The following RPAP1 variants were observed in gnomAD, a reference collection of about 807,000 sequenced individuals.
RPAP1 encodes the protein RNA polymerase II associated protein 1, also known as RNA polymerase II-associated protein 1.
Under a neutral mutation model 142.4 loss-of-function variants are expected in RPAP1, and 109 were observed. That is an observed-to-expected ratio of 0.77 (90% CI 0.66 to 0.90). The LOEUF (loss-of-function observed/expected upper bound fraction) is 0.90. Among genes scored for constraint, RPAP1 ranks in the 40% least tolerant of loss-of-function variants. The pLI, the probability that RPAP1 is intolerant of heterozygous loss-of-function variation, is 0.00. For missense variants in RPAP1, 1,546 were observed against 1,751.7 expected (o/e 0.88, Z 2.10); for synonymous variants, 704 against 738.9 (o/e 0.95, Z 0.77).
chr15:41,531,623 ATATATTTTTTTTTTTTTTTTTT>A (rs1469157324), intron 6 of RPAP1, among the ~76,000 whole-genome samples: 5 of 35,430 alleles, frequency 1.4e-4, no homozygotes, highest in African/African-American at 5.3e-4. Context: ...ATATATATAT[ATATATTTTTTTTTTTTTTTTTT>A]TTTTTTTTTT....
chr15:41,541,424 A>G lies in RPAP1; in HGVS notation c.-77+2795T>C, dbSNP rs922386039. On this transcript the variant is annotated intron_variant, in intron 1 of 24. Coordinates refer to ENST00000304330, the MANE Select transcript of RPAP1 (RefSeq NM_015540.4). Reference sequence around the variant, plus strand: ...GGTGACAGAGCTAGACTCCATCTTGAAAAAAAAAAAAAAAAAAGCAGGGAA... The same window carrying G: ...GGTGACAGAGCTAGACTCCATCTTGGAAAAAAAAAAAAAAAAAGCAGGGAA... Among the ~76,000 whole-genome samples the G allele has an allele frequency of 4.3e-3, 474 of 111,238 alleles. 1 individual carries two copies. The highest frequency in any genetic ancestry group is 0.02 in the African/African-American group (460 of 23,184). 73.0% of individuals were successfully genotyped at this position (111,238 alleles called of 152,430 possible).
chr15:41,524,946 G>C lies in RPAP1; in HGVS notation c.2075+45C>G, dbSNP rs1456769904. ...GGTGTTTGATTTGGCCAGAAGAGCA[G>C]AACTGAAGGTGTCTAGGGGGAGCCT... is the stretch of plus-strand genomic sequence containing the variant. On this transcript the variant is annotated intron_variant, in intron 15 of 24. Coordinates refer to ENST00000304330, the MANE Select transcript of RPAP1 (RefSeq NM_015540.4). The C allele has an allele frequency of 4.4e-6, 7 of 1,598,698 alleles. No individual in the cohort carries two copies. The African/African-American group carries it at 9.4e-5, about 21-fold the overall frequency.
intron 1 of RPAP1, 155 bp downstream of exon 1, chr15:41,544,064 A>T (rs1034738588): frequency 3.9e-5 from 6 of 152,298 alleles, no homozygotes; most frequent in African/African-American, 1.4e-4. Context: ...CGCCCGTTGA[A>T]GGGCCGTGCC....
chr15:41,521,624 C>T (rs970451900), intron 21 of RPAP1, 114 bp downstream of exon 21: 55 of 1,187,936 alleles, frequency 4.6e-5, no homozygotes, highest in Admixed American at 2.5e-4. Flanking sequence ...AGTTAAGTGT[C>T]GTCGGTGGAA....
At chr15:41,531,627 ATTTTTTTTTTTTTT>A (rs150550154) in intron 6 of RPAP1, among the ~76,000 whole-genome samples, 27 of 22,008 alleles carry the variant, frequency 1.2e-3, no homozygotes, top group African/African-American at 2.4e-3. Context: ...ATATATATAT[ATTTTTTTTTTTTTT>A]TTTTTTTTTT....
At position 41,522,859 on chromosome 15, in the gene RPAP1, C is replaced by A. The variant is rs1322400420; in HGVS notation, c.2648G>T (p.Ser883Ile). The change falls in exon 19 of 25, where the codon AGT becomes ATT. Residue 883 changes from serine (S) to isoleucine (I), a missense_variant. Physicochemically the swap from Ser to Ile is moderately radical, Grantham distance 142. Coordinates refer to ENST00000304330, the MANE Select transcript of RPAP1 (RefSeq NM_015540.4). ...GAAGGGTGAGGCTGAGCCAGCCAGA[C>A]TGAGACGGGGGCAGCCTCCCGAGCA... ...LGCSGGCPRLSLAGSASPFPF... is the reference protein window; with the variant it reads ...LGCSGGCPRLILAGSASPFPF... 6.3e-7 allele frequency: 1 copy of A among 1,581,272 alleles called. No individual in the cohort carries two copies. Among genetic ancestry groups the A allele is most frequent in the East Asian group, 2.3e-5 (1 of 43,176 alleles).
At chr15:41,536,465 G>C (rs1178334152) in intron 3 of RPAP1, 36 bp downstream of exon 3, 2 of 1,610,146 alleles carry the variant, frequency 1.2e-6, no homozygotes, top group African/African-American at 2.7e-5. Context: ...TGTTGCCCTA[G>C]AACATCTTAT....
intron 9 of RPAP1, among the ~76,000 whole-genome samples, chr15:41,529,196 G>A (rs1216633319): frequency 2.0e-5 from 3 of 152,134 alleles, no homozygotes; most frequent in South Asian, 2.1e-4. Flanking sequence ...TTAGCTGGAC[G>A]TGGTGGCATG....
rs1023903022 is a variant in RPAP1 at position 41,522,052 on chromosome 15, G to A, written c.2895+46C>T. On this transcript the variant is annotated intron_variant, in intron 20 of 24. Coordinates refer to ENST00000304330, the MANE Select transcript of RPAP1 (RefSeq NM_015540.4). ...AGGCTGGGTTCCACAGAAACAGGAA[G>A]GAGATAATGGGATGACAGGAGAACC... The A allele has an allele frequency of 4.4e-6, 7 of 1,600,386 alleles. No homozygotes were observed. The African/African-American group carries it at 5.4e-5, about 12-fold the overall frequency.
Position 41,524,113 on chromosome 15 carries a change from G to T in RPAP1, c.2217C>A (p.Thr739=), listed in dbSNP as rs202122322. Residue 739 remains threonine, a synonymous_variant, in exon 16 of 25, where the codon ACC becomes ACA. Transcript: ENST00000304330. Reference sequence around the variant, plus strand: ...TAAACTACCTGATGGTTTCAGCAGGGGTACTGCCGGCTGCCAGGGTTAGCT... The same window carrying T: ...TAAACTACCTGATGGTTTCAGCAGGTGTACTGCCGGCTGCCAGGGTTAGCT... ...LTQLTLAAGS[T]PAETISDSAE... The T allele has an allele frequency of 3.8e-6, 6 of 1,590,212 alleles. No homozygotes were observed. In the African/African-American group the frequency reaches 8.1e-5, roughly 21 times the overall value.
chr15:41,523,854 G>A lies in RPAP1; in HGVS notation c.2353C>T (p.Pro785Ser). The A allele has an allele frequency of 6.2e-7, 1 of 1,609,202 alleles. No individual in the cohort carries two copies. The highest frequency in any genetic ancestry group is 8.5e-7 in the Non-Finnish European group (1 of 1,177,766). ...LRQTLKLLSRPEMWRAVGPVP... is the reference protein window; with the variant it reads ...LRQTLKLLSRSEMWRAVGPVP... ...GGGCCCACGGCTCTCCACATCTCAG[G>A]TCTGGACAGCAACTTCAAGGTCTGC... The change falls in exon 17 of 25, where the codon CCT (proline) becomes TCT (serine). Residue 785 changes from proline to serine, a missense_variant. Transcript: ENST00000304330.
At chr15:41,530,665 C>G (rs1337396179) in intron 7 of RPAP1, among the ~76,000 whole-genome samples, 1 of 152,180 alleles carries the variant, frequency 6.6e-6, no homozygotes, top group Non-Finnish European at 1.5e-5. Context: ...TTTCCCCCAG[C>G]ACTGTGAGCA....
chr15:41,538,053 T>C (rs7179280), intron 1 of RPAP1, among the ~76,000 whole-genome samples: 59,283 of 151,958 alleles, frequency 0.39, 11,887 homozygotes, highest in East Asian at 0.5. Context: ...ACCATCCTGG[T>C]TAACACGGTG....
intron 1 of RPAP1, among the ~76,000 whole-genome samples, chr15:41,540,287 G>A (rs2051959334): frequency 6.8e-6 from 1 of 147,340 alleles, no homozygotes; most frequent in Non-Finnish European, 1.5e-5. Flanking sequence ...TAACAGCCTA[G>A]GAGGTAGGTT....
At chr15:41,518,383 A>G in intron 22 of RPAP1, 1 of 487,560 alleles carries the variant, frequency 2.1e-6, no homozygotes, top group Non-Finnish European at 3.5e-6. Flanking sequence ...AGAAGCAGCC[A>G]TTAAAAAGCA....
rs776722248 is a variant in RPAP1 at position 41,523,267 on chromosome 15, C to G, written c.2524G>C (p.Gly842Arg). ...LLPLLSQPTL[G>R]SLWDSLRHCS... ...TACCTAAGGGAATCCCACAGGCTGC[C>G]CAGTGTGGGCTGACTCAGCAGTGGC... Residue 842 changes from glycine to arginine, a missense_variant, in exon 18 of 25, where the codon GGC becomes CGC. Coordinates refer to ENST00000304330, the MANE Select transcript of RPAP1 (RefSeq NM_015540.4). 9 of 1,608,052 alleles carry G rather than the reference C, an allele frequency of 5.6e-6. No individual in the cohort carries two copies. In the South Asian group the frequency reaches 8.9e-5, roughly 16 times the overall value.
chr15:41,538,020 G>A (rs538878632), intron 1 of RPAP1, among the ~76,000 whole-genome samples: 1 of 152,302 alleles, frequency 6.6e-6, no homozygotes, highest in African/African-American at 2.4e-5. Context: ...AAGGCGTGTG[G>A]ATTATGAGGT....
chr15:41,542,957 A>G lies in RPAP1; in HGVS notation c.-77+1262T>C, dbSNP rs80068492. 9.3e-3 allele frequency among the ~76,000 whole-genome samples: 1,422 copies of G among 152,296 alleles called. 17 individuals are homozygous for G. The highest frequency in any genetic ancestry group is 0.011 in the Non-Finnish European group (735 of 68,024). ...ACTAGATGAACTGAGAATCCATAGT[A>G]TGGTAACAATTCACTCCTATAAGAG... On this transcript the variant is annotated intron_variant, in intron 1 of 24. Transcript: ENST00000304330.
chr15:41,517,922 GACACTT>G, intron 23 of RPAP1, 65 bp from the exon 24 acceptor site: 1 of 1,612,896 alleles, frequency 6.2e-7, no homozygotes, highest in Non-Finnish European at 8.5e-7. Context: ...GGCCTTGCTT[GACACTT>G]ACCTCTTCCC....
Sources: allele counts gnomAD v4.1 joint callset (sites outside exome capture counted in the v4.1 genomes callset), GRCh38; gene constraint gnomAD v4.1.1; transcripts MANE v1.5; gene names NCBI Gene and HGNC (gene_info 2026-07-23, HGNC 2026-07-21).